The following EML5 variants were observed in gnomAD, a reference collection of about 807,000 sequenced individuals.
EML5 encodes echinoderm microtubule-associated protein-like 5.
EML5 carries 120 observed loss-of-function variants against 250.0 expected under a neutral mutation model. The observed-to-expected ratio is 0.48, with a 90% CI of 0.41 to 0.56. EML5 has a LOEUF of 0.56. Among genes scored for constraint, EML5 ranks in the 20% least tolerant of loss-of-function variants. The pLI is 0.00. For missense variants in EML5, 2,006 were observed against 2,437.6 expected, an observed-to-expected ratio of 0.82 and a Z score of 3.73; for synonymous variants, 771 against 806.5, an observed-to-expected ratio of 0.96 and a Z score of 0.75.
intron 19 of EML5, 89 bp from the exon 20 acceptor site, chr14:88,685,231 G>C: frequency 9.0e-7 from 1 of 1,109,668 alleles, no homozygotes; most frequent in Non-Finnish European, 1.2e-6. Context: ...TTTTGACAGT[G>C]AAAATCACAT....
intron 33 of EML5, among the ~76,000 whole-genome samples, chr14:88,634,034 G>A (rs930180304): frequency 3.9e-5 from 6 of 152,148 alleles, no homozygotes; most frequent in Admixed American, 2.6e-4. Context: ...GATATGGTTT[G>A]GATATATGTC....
chr14:88,740,323 T>C, intron 5 of EML5, 64 bp downstream of exon 5: 1 of 1,387,018 alleles, frequency 7.2e-7, no homozygotes, highest in Non-Finnish European at 9.8e-7. Flanking sequence ...TTACGCAGTC[T>C]ATCATTCTAA....
At chr14:88,732,171 TTTCCTTCTAGGG>T (rs2093769988) in intron 7 of EML5, among the ~76,000 whole-genome samples, 1 of 152,218 alleles carries the variant, frequency 6.6e-6, no homozygotes, top group Admixed American at 6.5e-5. Flanking sequence ...ATTGCCTAGG[TTTCCTTCTAGGG>T]TTTTTATGGT....
chr14:88,680,743 T>C (rs1431787590), intron 21 of EML5, among the ~76,000 whole-genome samples: 1 of 152,130 alleles, frequency 6.6e-6, no homozygotes, highest in Non-Finnish European at 1.5e-5. Context: ...AAACACGGGT[T>C]ATATTGTTTT....
intron 3 of EML5, among the ~76,000 whole-genome samples, chr14:88,745,938 T>TA (rs759122374): frequency 1.3e-5 from 2 of 151,400 alleles, no homozygotes; most frequent in Non-Finnish European, 2.9e-5. Context: ...AAAAGTATAA[T>TA]AAAAAAAAGA....
rs762914717 is a variant in EML5 at position 88,615,532 on chromosome 14, GCCGAAATCACACACTT to G, written c.*270_*285del. On this transcript the variant is annotated 3_prime_UTR_variant, in exon 44 of 44. Coordinates refer to ENST00000554922, the MANE Select transcript of EML5 (RefSeq NM_183387.3). ...TACCCTAAATTTTCCCAGCAGGTCTGCCGAAATCACACACTTCCCAATACAGGGGGACTTGGCCTTT... is the reference window on the plus strand; with the variant it reads ...TACCCTAAATTTTCCCAGCAGGTCTGCCCAATACAGGGGGACTTGGCCTTT... 14 of 335,366 alleles carry G rather than the reference GCCGAAATCACACACTT, an allele frequency of 4.2e-5. No homozygotes were observed. The highest frequency in any genetic ancestry group is 7.5e-5 in the Non-Finnish European group (14 of 185,698). The allele number at this position is 335,366 out of a possible 1,614,324, so 20.8% of individuals were successfully genotyped here. A position where few individuals can be genotyped will look rare whatever the true frequency, so the allele number is the denominator to read the frequency against.
chr14:88,688,228 A>G (rs1566636248), intron 18 of EML5, 43 bp downstream of exon 18: 1 of 1,605,032 alleles, frequency 6.2e-7, no homozygotes, highest in Non-Finnish European at 8.5e-7. Context: ...TCTACACTCC[A>G]GGACAAATTT....
chr14:88,617,050 C>T (rs1744664390), intron 41 of EML5, 171 bp from the exon 42 acceptor site: 2 of 486,246 alleles, frequency 4.1e-6, no homozygotes, highest in African/African-American at 3.8e-5. Context: ...GATATCAACT[C>T]CTGCCTTTTA....
chr14:88,621,241 C>G lies in EML5; in HGVS notation c.5074G>C (p.Ala1692Pro). 1 of 1,613,944 alleles carries G rather than the reference C, an allele frequency of 6.2e-7. No homozygotes were observed. Among genetic ancestry groups the G allele is most frequent in the Non-Finnish European group, 8.5e-7 (1 of 1,179,874 alleles). ...EIIEVGEKNAACNILVNGHVD... is the reference protein window; with the variant it reads ...EIIEVGEKNAPCNILVNGHVD... ...TGACCGTTAACTAAAATATTACAAG[C>G]TGCATTTTTCTCTCCAACTTCGATT... is the stretch of plus-strand genomic sequence containing the variant. The change falls in exon 38 of 44, where the codon GCT (alanine) becomes CCT (proline). Residue 1692 changes from alanine (A) to proline (P), a missense_variant. This residue lies in a region of EML5 where 405 missense variants were observed against 523.3 expected (regional missense o/e 0.77). Coordinates refer to ENST00000554922, the MANE Select transcript of EML5 (RefSeq NM_183387.3).
intron 8 of EML5, among the ~76,000 whole-genome samples, chr14:88,724,250 T>C (rs1009501892): frequency 2.0e-5 from 3 of 146,904 alleles, no homozygotes; most frequent in Non-Finnish European, 4.5e-5. Context: ...ACTCCAGCCT[T>C]GTGACAGAGC....
chr14:88,785,045 T>C (rs911190379), intron 1 of EML5, among the ~76,000 whole-genome samples: 1 of 152,194 alleles, frequency 6.6e-6, no homozygotes, highest in Non-Finnish European at 1.5e-5. Context: ...TGCAACATCA[T>C]GGATGGGACT....
rs758904558 is a variant in EML5, at chr14:88,616,196, A to G, written c.5843T>C (p.Ile1948Thr). 2 of 1,613,952 alleles carry G rather than the reference A, an allele frequency of 1.2e-6. No homozygotes were observed. The highest frequency in any genetic ancestry group is 2.2e-5 in the South Asian group (2 of 91,082). ...ATGTCGATCACCACTGGTAAATCGA[A>G]TATTTGTCACATGGGGCGAATGACC... is the stretch of plus-strand genomic sequence containing the variant. Reference protein sequence around the residue: ...FLGHSPHVTNIRFTSGDRHVV... With the variant: ...FLGHSPHVTNTRFTSGDRHVV... The change falls in exon 43 of 44, where the codon ATT (isoleucine) becomes ACT (threonine). Residue 1948 changes from isoleucine to threonine, a missense_variant. Around this residue, in one of 7 missense-constraint regions of EML5, gnomAD observed 56 missense variants for 55.1 expected, o/e 1.02. Transcript: ENST00000554922.
chr14:88,790,138 A>G (rs2094590941), intron 1 of EML5, among the ~76,000 whole-genome samples: 1 of 152,242 alleles, frequency 6.6e-6, no homozygotes, highest in Non-Finnish European at 1.5e-5. Flanking sequence ...ATCTGTCATT[A>G]CTATTTGAAA....
At chr14:88,618,058 A>G in intron 41 of EML5, 170 bp downstream of exon 41, 1 of 438,708 alleles carries the variant, frequency 2.3e-6, no homozygotes, top group Non-Finnish European at 4.0e-6. Flanking sequence ...ACATGGAAAT[A>G]TATTCAATAA....
Position 88,626,657 on chromosome 14 carries a change from C to T in EML5, c.4740+181G>A. ...TCCTTTTCCCCCTCTCATTAACATT[C>T]TTTTCACTCCCTAATTTCTGAAAGA... On this transcript the variant is annotated intron_variant, in intron 35 of 43. Transcript: ENST00000554922. 4 of 654,970 alleles carry T rather than the reference C, an allele frequency of 6.1e-6. No individual in the cohort carries two copies. In the Middle Eastern group the frequency reaches 1.3e-3, roughly 213 times the overall value. The allele number at this position is 654,970 out of a possible 1,614,324, so 40.6% of individuals were successfully genotyped here. A position where few individuals can be genotyped will look rare whatever the true frequency, so the allele number is the denominator to read the frequency against.
chr14:88,687,387 T>C, intron 18 of EML5, 60 bp from the exon 19 acceptor site: 2 of 1,187,762 alleles, frequency 1.7e-6, no homozygotes, highest in Non-Finnish European at 2.3e-6. Flanking sequence ...AATAGTAACC[T>C]TTTTCCTTAT....
chr14:88,766,621 C>T (rs1358381686), intron 1 of EML5, among the ~76,000 whole-genome samples: 1 of 152,114 alleles, frequency 6.6e-6, no homozygotes, highest in East Asian at 1.9e-4. Flanking sequence ...TCGCCCCAGT[C>T]CTGTGATCTC....
rs532081465 is a variant in EML5, at chr14:88,694,737, A to G, written c.2439-330T>C. ...AAACAATACTTTGTTATAGCTTAAG[A>G]TAGCCTTTCCAACTACAAAATTCCT... On this transcript the variant is annotated intron_variant, in intron 16 of 43. Coordinates refer to ENST00000554922, the MANE Select transcript of EML5 (RefSeq NM_183387.3). Among the ~76,000 whole-genome samples the G allele has an allele frequency of 1.9e-4, 29 of 152,320 alleles. No individual in the cohort carries two copies. In the South Asian group the frequency reaches 6.0e-3, roughly 32 times the overall value.
At chr14:88,730,514 T>C (rs1460279579) in intron 7 of EML5, among the ~76,000 whole-genome samples, 2 of 152,228 alleles carry the variant, frequency 1.3e-5, no homozygotes, top group South Asian at 2.1e-4. Flanking sequence ...TTAGCCTTTC[T>C]GTGAGAACAG....
Sources: gnomAD v4.1 joint callset for allele counts (sites outside exome capture counted in the v4.1 genomes callset) on GRCh38, gnomAD v4.1.1 for gene constraint, gnomAD v4.1.1 regional missense constraint, MANE v1.5 for transcripts, NCBI Gene and HGNC (gene_info 2026-07-23, HGNC 2026-07-21) for gene names.